The following KRT8 variants were observed in gnomAD, a reference collection of about 807,000 sequenced individuals.
KRT8 encodes keratin 8, also known as keratin, type II cytoskeletal 8.
Under a neutral mutation model 43.0 loss-of-function variants are expected in KRT8, and 24 were observed. The ratio of observed to expected loss-of-function variants is 0.56; its 90% CI spans 0.40 to 0.78. KRT8 has a LOEUF of 0.78. KRT8 is among the 30% of genes least tolerant of loss of function. KRT8 has a pLI of 0.00. For synonymous variants in KRT8, 214 were observed against 261.2 expected (o/e 0.82, Z 1.74); for missense variants, 492 against 638.4 (o/e 0.77, Z 2.47).
At chr12:52,929,243 C>T (rs1264397566) in intron 2 of KRT8, among the ~76,000 whole-genome samples, 1 of 146,830 alleles carries the variant, frequency 6.8e-6, no homozygotes, top group Non-Finnish European at 1.5e-5. Context: ...TAGAGTGCAG[C>T]GGTATGATCT....
chr12:52,925,954 C>T (rs1049198030), intron 2 of KRT8, among the ~76,000 whole-genome samples: 1 of 151,992 alleles, frequency 6.6e-6, no homozygotes, highest in African/African-American at 2.4e-5. Context: ...AGGCAGTGTT[C>T]TCATGTTCTC....
chr12:52,924,660 A>G (rs1941954966), intron 2 of KRT8, among the ~76,000 whole-genome samples: 1 of 152,124 alleles, frequency 6.6e-6, no homozygotes, highest in Non-Finnish European at 1.5e-5. Flanking sequence ...AATTGTAAAG[A>G]TAATTGTAAT....
upstream of KRT8, among the ~76,000 whole-genome samples, chr12:52,909,923 T>C (rs1221592933): frequency 2.0e-5 from 3 of 152,134 alleles, no homozygotes; most frequent in Non-Finnish European, 4.4e-5. Flanking sequence ...CCTGAAGATG[T>C]TGAGGTCTCC....
chr12:52,910,167 C>G (rs1941605613), upstream of KRT8, among the ~76,000 whole-genome samples: 1 of 152,178 alleles, frequency 6.6e-6, no homozygotes, highest in Non-Finnish European at 1.5e-5. Flanking sequence ...GGCGGAAGGT[C>G]CCAGCTATGG....
chr12:52,947,942 A>G (rs1942375006), intron 2 of KRT8: 1 of 152,108 alleles, frequency 6.6e-6, no homozygotes, highest in South Asian at 2.1e-4. Flanking sequence ...CCTGGCTCAC[A>G]GTAGGTGCTG....
chr12:52,900,665 T>C (rs764664584), exon 4 of KRT8: 4 of 1,612,720 alleles, frequency 2.5e-6, no homozygotes, highest in Non-Finnish European at 3.4e-6. Context: ...ACCTTGTTCA[T>C]GTAAGCTTCA....
At chr12:52,899,894 C>T in exon 5 of KRT8, 1 of 1,612,930 alleles carries the variant, frequency 6.2e-7, no homozygotes, top group Non-Finnish European at 8.5e-7. Flanking sequence ...CTCTGCAGCT[C>T]CTCATACTTG....
At chr12:52,918,237 A>AGAAGAAGAAGAAGAG (rs1941813886) in intron 2 of KRT8, among the ~76,000 whole-genome samples, 2 of 151,570 alleles carry the variant, frequency 1.3e-5, no homozygotes, top group African/African-American at 2.4e-5. Flanking sequence ...AAGAAGAAGA[A>AGAAGAAGAAGAAGAG]GAAGAAGAAG....
chr12:52,914,288 G>C (rs556996499), intron 2 of KRT8, among the ~76,000 whole-genome samples: 1 of 151,908 alleles, frequency 6.6e-6, no homozygotes, highest in South Asian at 2.1e-4. Context: ...TGTAATCCCA[G>C]CACTTTGGGA....
At chr12:52,949,686 C>T (rs1942440867) in intron 1 of KRT8, 2 of 1,114,198 alleles carry the variant, frequency 1.8e-6, no homozygotes, top group African/African-American at 3.1e-5. Flanking sequence ...CACCCAACCC[C>T]TACTCCACCG....
intron 2 of KRT8, chr12:52,947,815 T>C (rs1418154197): frequency 2.0e-5 from 3 of 147,494 alleles, no homozygotes; most frequent in Admixed American, 7.1e-5. Flanking sequence ...CCTCCCAAAG[T>C]GCTTGGATTA....
At chr12:52,923,664 C>A (rs910699369) in intron 2 of KRT8, among the ~76,000 whole-genome samples, 1 of 151,872 alleles carries the variant, frequency 6.6e-6, no homozygotes, top group Non-Finnish European at 1.5e-5. Context: ...GTGATCCGCC[C>A]GCCTCGGCCT....
At chr12:52,933,440 T>G (rs1178948323) in intron 2 of KRT8, among the ~76,000 whole-genome samples, 1 of 152,130 alleles carries the variant, frequency 6.6e-6, no homozygotes, top group Non-Finnish European at 1.5e-5. Flanking sequence ...GAGAGATATA[T>G]TAAGTTCATG....
At chr12:52,935,646 T>C (rs1942158708) in intron 2 of KRT8, among the ~76,000 whole-genome samples, 1 of 140,508 alleles carries the variant, frequency 7.1e-6, no homozygotes, top group African/African-American at 2.6e-5. Flanking sequence ...AATTTCATAA[T>C]TTTTTTTTTT....
At chr12:52,912,163 G>T (rs1467811174) in intron 2 of KRT8, among the ~76,000 whole-genome samples, 1 of 152,226 alleles carries the variant, frequency 6.6e-6, no homozygotes, top group Non-Finnish European at 1.5e-5. Flanking sequence ...GACTGAGGGC[G>T]GGCACATTTT....
chr12:52,948,181 G>A (rs1220634693), intron 2 of KRT8: 1 of 152,222 alleles, frequency 6.6e-6, no homozygotes, highest in Non-Finnish European at 1.5e-5. Flanking sequence ...GAATGTATGT[G>A]TGTGTGCATT....
chr12:52,908,056 C>T (rs912721377), upstream of KRT8, among the ~76,000 whole-genome samples: 5 of 152,210 alleles, frequency 3.3e-5, no homozygotes, highest in African/African-American at 1.2e-4. Flanking sequence ...AGGAGACACT[C>T]ACTCCCTGTG....
chr12:52,943,882 G>A (rs1389785859), intron 2 of KRT8, among the ~76,000 whole-genome samples: 1 of 152,214 alleles, frequency 6.6e-6, no homozygotes, highest in Non-Finnish European at 1.5e-5. Context: ...TGGATGATCT[G>A]GAGATAGGTT....
intron 2 of KRT8, among the ~76,000 whole-genome samples, chr12:52,929,191 T>C (rs941521119): frequency 1.4e-4 from 9 of 62,236 alleles, no homozygotes; most frequent in African/African-American, 5.3e-4. Context: ...TTCCTTTCTT[T>C]TTTTTTTTTT....
Sources: allele counts gnomAD v4.1 joint callset (sites outside exome capture counted in the v4.1 genomes callset), GRCh38; gene constraint gnomAD v4.1.1; transcripts MANE v1.5; gene names NCBI Gene and HGNC (gene_info 2026-07-23, HGNC 2026-07-21).